The following AMPD1 variants were observed in gnomAD, a reference collection of about 807,000 sequenced individuals.
AMPD1 encodes the protein AMP deaminase 1.
In AMPD1, 74 loss-of-function variants were observed where a neutral mutation model predicts 82.9. The ratio of observed to expected loss-of-function variants is 0.89; its 90% confidence interval spans 0.74 to 1.08. The LOEUF (loss-of-function observed/expected upper bound fraction) is 1.08. AMPD1 is among the 50% of genes least tolerant of loss of function. The pLI is 0.00. For synonymous variants in AMPD1, 333 were observed against 320.5 expected (o/e 1.04, Z -0.42); for missense variants, 881 against 924.5 (o/e 0.95, Z 0.61).
chr1:114,678,996 ATAG>A (rs1658078304), intron 7 of AMPD1, among the ~76,000 whole-genome samples: 1 of 152,242 alleles, frequency 6.6e-6, no homozygotes. Context: ...CCAAAGTTGT[ATAG>A]GCAGCTGAGC....
rs762722076 is a variant in AMPD1 at position 114,677,924 on chromosome 1, C to G, written c.1210G>C (p.Ala404Pro). The G allele has an allele frequency of 5.0e-6, 8 of 1,613,410 alleles. No individual in the cohort carries two copies. Among genetic ancestry groups the G allele is most frequent in the Non-Finnish European group, 6.8e-6 (8 of 1,179,934 alleles). Residue 404 changes from alanine (A) to proline (P), a missense_variant, in exon 9 of 16, where the codon GCC (alanine) becomes CCC (proline). By Grantham distance (27) the Ala-to-Pro change is conservative. Coordinates refer to ENST00000520113, the MANE Select transcript of AMPD1 (RefSeq NM_000036.3). Reference sequence around the variant, plus strand: ...TTCCGCCTCACCTTGATGATAGTGGCAAAATATTCCCCATTAATGTAATTG... The same window carrying G: ...TTCCGCCTCACCTTGATGATAGTGGGAAAATATTCCCCATTAATGTAATTG... ...TDNYINGEYF[A>P]TIIKEVGADL...
At chr1:114,687,180 C>T (rs1658347473) in intron 3 of AMPD1, among the ~76,000 whole-genome samples, 1 of 152,004 alleles carries the variant, frequency 6.6e-6, no homozygotes, top group Non-Finnish European at 1.5e-5. Flanking sequence ...CCAGGCAGTC[C>T]ACTCCCAGCA....
chr1:114,683,553 C>A (rs895634491), intron 5 of AMPD1, among the ~76,000 whole-genome samples: 2 of 151,986 alleles, frequency 1.3e-5, no homozygotes, highest in East Asian at 1.9e-4. Context: ...CTGGCCAACA[C>A]GGGAAAACCC....
rs2101710015 is a variant in AMPD1 at position 114,673,691 on chromosome 1, T to C, written c.2033A>G (p.Asp678Gly). The change falls in exon 15 of 16, where the codon GAT (aspartate) becomes GGT (glycine). Residue 678 changes from aspartate to glycine, a missense_variant. Asp to Gly is a moderately conservative substitution (Grantham distance 94). Transcript: ENST00000520113. Reference sequence around the variant, plus strand: ...ACTGTTCCTTGCCACTTCGCACATATCACAGGTGCTCAGCTTGAAGACTTG... The same window carrying C: ...ACTGTTCCTTGCCACTTCGCACATACCACAGGTGCTCAGCTTGAAGACTTG... ...AAQVFKLSTC[D>G]MCEVARNSVL... 1.9e-6 allele frequency: 3 copies of C among 1,614,156 alleles called. No individual in the cohort carries two copies. Among genetic ancestry groups the C allele is most frequent in the Non-Finnish European group, 2.5e-6 (3 of 1,180,012 alleles).
chr1:114,694,048 G>A (rs184025936), intron 1 of AMPD1, among the ~76,000 whole-genome samples: 14 of 152,002 alleles, frequency 9.2e-5, no homozygotes, highest in African/African-American at 2.2e-4. Context: ...GTGAAACACC[G>A]TCTCTACTAA....
intron 1 of AMPD1, among the ~76,000 whole-genome samples, chr1:114,694,242 C>T (rs749040433): frequency 8.6e-5 from 13 of 150,580 alleles, no homozygotes; most frequent in African/African-American, 2.4e-4. Flanking sequence ...AAAACAAAAA[C>T]GAACAAACAA....
At position 114,676,023 on chromosome 1, in the gene AMPD1, G is replaced by C; in HGVS notation, c.1389-20C>G. 6.2e-7 allele frequency: 1 copy of C among 1,613,048 alleles called. No individual in the cohort carries two copies. Among genetic ancestry groups the C allele is most frequent in the Non-Finnish European group, 8.5e-7 (1 of 1,179,854 alleles). On this transcript the variant is annotated intron_variant, in intron 10 of 15. Coordinates refer to ENST00000520113, the MANE Select transcript of AMPD1 (RefSeq NM_000036.3). ...ACATCACTAGAGGCAAGAATGAAGA[G>C]AATTTAGGAGAAAAAAAGATTTTTA... is the stretch of plus-strand genomic sequence containing the variant.
chr1:114,687,090 C>A, intron 3 of AMPD1, 180 bp from the exon 4 acceptor site: 2 of 689,786 alleles, frequency 2.9e-6, no homozygotes, highest in East Asian at 2.9e-5. Flanking sequence ...AGACACATGA[C>A]CTTGTGCCCC....
intron 11 of AMPD1, 67 bp from the exon 12 acceptor site, chr1:114,675,760 T>C: frequency 6.2e-7 from 1 of 1,613,510 alleles, no homozygotes. Flanking sequence ...TCACACAAAC[T>C]TTCAGGTCCA....
chr1:114,681,292 G>A (rs1557971176), intron 5 of AMPD1, among the ~76,000 whole-genome samples: 1 of 151,926 alleles, frequency 6.6e-6, no homozygotes. Flanking sequence ...TAAAATAATT[G>A]AGTAGAAAAT....
At chr1:114,679,506 T>A (rs1658090116) in intron 7 of AMPD1, 73 bp downstream of exon 7, 1 of 1,578,606 alleles carries the variant, frequency 6.3e-7, no homozygotes, top group Non-Finnish European at 8.7e-7. Flanking sequence ...AACACACTCT[T>A]TTCTTGTGCT....
chr1:114,692,011 G>T (rs12038990), intron 2 of AMPD1, among the ~76,000 whole-genome samples: 16,073 of 152,220 alleles, frequency 0.11, 1,319 homozygotes, highest in East Asian at 0.47. Context: ...TAATAACTGG[G>T]AGCCACAGTG....
At chr1:114,687,179 C>T (rs1373991593) in intron 3 of AMPD1, among the ~76,000 whole-genome samples, 1 of 152,030 alleles carries the variant, frequency 6.6e-6, no homozygotes, top group Admixed American at 6.6e-5. Flanking sequence ...CCCAGGCAGT[C>T]CACTCCCAGC....
chr1:114,675,743 C>T lies in AMPD1; in HGVS notation c.1516-50G>A, dbSNP rs760979547. 3.1e-6 allele frequency: 5 copies of T among 1,613,514 alleles called. No individual in the cohort carries two copies. The Admixed American group carries it at 5.0e-5, about 16-fold the overall frequency. On this transcript the variant is annotated intron_variant, in intron 11 of 15. Coordinates refer to ENST00000520113, the MANE Select transcript of AMPD1 (RefSeq NM_000036.3). ...ATGGGTTCAGTCCAACTTCAGGGTC[C>T]CAGTCCTCACACAAACTTTCAGGTC...
chr1:114,678,751 G>A (rs974693515), intron 7 of AMPD1, among the ~76,000 whole-genome samples: 2 of 152,164 alleles, frequency 1.3e-5, no homozygotes, highest in Non-Finnish European at 2.9e-5. Context: ...AAGAATGCTT[G>A]CTTCTTCTGT....
chr1:114,687,029 G>A (rs575013743), intron 3 of AMPD1, 119 bp from the exon 4 acceptor site: 2 of 1,114,068 alleles, frequency 1.8e-6, no homozygotes, highest in South Asian at 2.6e-5. Flanking sequence ...ATTAAAATGT[G>A]GTTGGGTATC....
intron 13 of AMPD1, 148 bp from the exon 14 acceptor site, chr1:114,674,230 GT>G: frequency 1.4e-6 from 1 of 711,586 alleles, no homozygotes; most frequent in South Asian, 1.9e-5. Context: ...GAATTTAGGA[GT>G]TTTTCAATGT....
intron 4 of AMPD1, among the ~76,000 whole-genome samples, chr1:114,685,387 T>C (rs912458665): frequency 2.0e-5 from 3 of 152,098 alleles, no homozygotes; most frequent in African/African-American, 7.2e-5. Context: ...CTGAATCGAG[T>C]GTTTACCAGG....
In AMPD1 at chr1:114,673,671, TC is replaced by T. The variant is rs1282080565; in HGVS notation, c.2052del (p.Asn685ThrfsTer14). On this transcript the variant is annotated frameshift_variant, in exon 15 of 16. Transcript: ENST00000520113. LOFTEE classifies it high-confidence loss of function. ...LSTCDMCEVA[R>X]NSVLQCGISH... ...GAAATTCCACACTGCAAGACACTGT[TC>T]CTTGCCACTTCGCACATATCACAGG... 6.2e-7 allele frequency: 1 copy of T among 1,614,088 alleles called. No homozygotes were observed. Among genetic ancestry groups the T allele is most frequent in the Non-Finnish European group, 8.5e-7 (1 of 1,179,960 alleles).
Sources: allele counts gnomAD v4.1 joint callset (sites outside exome capture counted in the v4.1 genomes callset), GRCh38; gene constraint gnomAD v4.1.1; transcripts MANE v1.5; gene names NCBI Gene and HGNC (gene_info 2026-07-23, HGNC 2026-07-21).